Variants in FAM13B observed in about 807,000 individuals in gnomAD.
The protein encoded by FAM13B is family with sequence similarity 13 member B, also known as protein FAM13B.
Under a neutral mutation model 117.3 loss-of-function variants are expected in FAM13B, and 60 were observed. That is an observed-to-expected ratio of 0.51 (90% CI 0.42 to 0.63). FAM13B has a LOEUF of 0.63. FAM13B is among the 30% of genes least tolerant of loss of function. FAM13B has a pLI of 0.00. For synonymous variants in FAM13B, 332 were observed against 356.1 expected (o/e 0.93, Z 0.76); for missense variants, 972 against 1,091.9 (o/e 0.89, Z 1.55).
At chr5:138,006,364 A>T (rs951516583) in intron 7 of FAM13B, among the ~76,000 whole-genome samples, 3 of 152,218 alleles carry the variant, frequency 2.0e-5, no homozygotes, top group Non-Finnish European at 4.4e-5. Context: ...ACATATGGGG[A>T]GTATGACAAT....
intron 7 of FAM13B, among the ~76,000 whole-genome samples, chr5:138,003,413 C>A (rs1288678880): frequency 6.6e-6 from 1 of 152,060 alleles, no homozygotes; most frequent in Non-Finnish European, 1.5e-5. Context: ...GCAATAGATA[C>A]CACCAAAAAA....
intron 10 of FAM13B, among the ~76,000 whole-genome samples, chr5:137,975,716 C>G (rs1217850794): frequency 6.6e-6 from 1 of 152,144 alleles, no homozygotes; most frequent in Non-Finnish European, 1.5e-5. Flanking sequence ...TTAAAAGTAG[C>G]CTCTCCTATT....
intron 10 of FAM13B, among the ~76,000 whole-genome samples, chr5:137,975,361 C>A (rs1421746239): frequency 1.3e-5 from 2 of 152,214 alleles, no homozygotes; most frequent in Non-Finnish European, 2.9e-5. Flanking sequence ...ATGCCCTAAC[C>A]AATGTGGTCT....
chr5:137,966,478 T>TAC (rs1203765238), intron 10 of FAM13B, among the ~76,000 whole-genome samples: 2 of 64,416 alleles, frequency 3.1e-5, no homozygotes, highest in African/African-American at 1.1e-4. Context: ...TATATATATA[T>TAC]ATATATATAT....
chr5:138,006,029 G>C (rs1782470886), intron 7 of FAM13B, among the ~76,000 whole-genome samples: 1 of 151,770 alleles, frequency 6.6e-6, no homozygotes, highest in Admixed American at 6.6e-5. Flanking sequence ...CTCCCGTGTA[G>C]CTGGGACTAC....
At chr5:138,046,039 C>T (rs1791632517) in intron 1 of FAM13B, among the ~76,000 whole-genome samples, 1 of 152,072 alleles carries the variant, frequency 6.6e-6, no homozygotes, top group Admixed American at 6.5e-5. Context: ...GGGAGGGATG[C>T]AGTGGGAAGT....
At chr5:138,035,165 A>G (rs1791030207), upstream of FAM13B, among the ~76,000 whole-genome samples, 1 of 151,244 alleles carries the variant, frequency 6.6e-6, no homozygotes, top group African/African-American at 2.4e-5. Flanking sequence ...GGGACATGCC[A>G]CCATGCCTGG....
At chr5:137,987,321 G>GTA in intron 9 of FAM13B, 140 bp downstream of exon 9, 2 of 659,798 alleles carry the variant, frequency 3.0e-6, no homozygotes, top group Non-Finnish European at 5.1e-6. Context: ...GTATATACAA[G>GTA]TATATATACA....
upstream of FAM13B, among the ~76,000 whole-genome samples, chr5:138,035,224 C>T (rs891155027): frequency 1.5e-4 from 23 of 151,372 alleles, no homozygotes; most frequent in African/African-American, 5.1e-4. Flanking sequence ...TTGCCCAGGC[C>T]TCTCTTGAAC....
chr5:138,008,013 TG>T (rs1782979722), intron 6 of FAM13B, among the ~76,000 whole-genome samples: 1 of 152,216 alleles, frequency 6.6e-6, no homozygotes, highest in Non-Finnish European at 1.5e-5. Context: ...GTAACAGTGG[TG>T]TTTTTCCTGA....
intron 7 of FAM13B, among the ~76,000 whole-genome samples, chr5:138,004,213 G>A (rs1781968822): frequency 6.7e-6 from 1 of 150,008 alleles, no homozygotes; most frequent in Middle Eastern, 3.4e-3. Flanking sequence ...AGGATGCAGT[G>A]AGCCGAGATC....
Position 137,942,039 on chromosome 5 carries a change from T to C in FAM13B, c.2595A>G (p.Glu865=). The C allele has an allele frequency of 6.2e-7, 1 of 1,613,384 alleles. No homozygotes were observed. Among genetic ancestry groups the C allele is most frequent in the Non-Finnish European group, 8.5e-7 (1 of 1,179,534 alleles). The change falls in exon 23 of 24, where the codon GAA becomes GAG. Residue 865 remains glutamate, a synonymous_variant. Coordinates refer to ENST00000689681, the MANE Select transcript of FAM13B (RefSeq NM_001385994.1). ...TGGCTTTCCAAAGTTGTTCCAATAATTCAGGCCTAGAATTGAAATGGTAAA... is the reference window on the plus strand; with the variant it reads ...TGGCTTTCCAAAGTTGTTCCAATAACTCAGGCCTAGAATTGAAATGGTAAA... ...LSSSRAASMP[E]LLEQLWKARA... is the part of the protein sequence containing the mutation.
At chr5:137,941,356 C>A in intron 23 of FAM13B, among the ~76,000 whole-genome samples, 1 of 152,246 alleles carries the variant, frequency 6.6e-6, no homozygotes, top group East Asian at 1.9e-4. Context: ...GTTTCTCAGG[C>A]CTGAGATAAC....
chr5:137,987,436 T>C (rs1215041585), intron 9 of FAM13B, 25 bp downstream of exon 9: 1 of 1,580,100 alleles, frequency 6.3e-7, no homozygotes, highest in South Asian at 1.2e-5. Flanking sequence ...TAACATTTAA[T>C]AAACAACAGT....
intron 13 of FAM13B, among the ~76,000 whole-genome samples, chr5:137,957,466 C>T (rs1470621369): frequency 1.4e-5 from 2 of 146,836 alleles, no homozygotes; most frequent in East Asian, 2.0e-4. Context: ...CTTGAACCTG[C>T]GAGGCGGAAG....
intron 10 of FAM13B, among the ~76,000 whole-genome samples, chr5:137,980,787 G>C (rs1046658841): frequency 6.6e-6 from 1 of 152,072 alleles, no homozygotes; most frequent in Non-Finnish European, 1.5e-5. Context: ...TTGTTTACTA[G>C]CTTACTATGT....
intron 7 of FAM13B, among the ~76,000 whole-genome samples, chr5:137,989,121 T>C (rs993367995): frequency 6.6e-6 from 1 of 152,098 alleles, no homozygotes; most frequent in Admixed American, 6.6e-5. Context: ...TAGGGAGGAG[T>C]GACCCTGCCT....
chr5:137,960,489 A>C (rs2150292150), intron 11 of FAM13B, among the ~76,000 whole-genome samples: 1 of 152,304 alleles, frequency 6.6e-6, no homozygotes. Context: ...AAACCTTTAT[A>C]AAATGAAAAC....
intron 6 of FAM13B, among the ~76,000 whole-genome samples, chr5:138,008,710 T>C (rs1321639219): frequency 1.3e-5 from 2 of 152,224 alleles, no homozygotes; most frequent in Non-Finnish European, 2.9e-5. Flanking sequence ...TTTAATAGCA[T>C]AGATCCTAGC....
Sources: allele counts gnomAD v4.1 joint callset (sites outside exome capture counted in the v4.1 genomes callset), GRCh38; gene constraint gnomAD v4.1.1; transcripts MANE v1.5; gene names NCBI Gene and HGNC (gene_info 2026-07-23, HGNC 2026-07-21).